The following SYT1 variants were observed in gnomAD, a reference collection of about 807,000 sequenced individuals.
SYT1 encodes synaptotagmin 1, also known as synaptotagmin-1.
In SYT1, 8 loss-of-function variants were observed where a neutral mutation model predicts 44.8. That is an observed-to-expected ratio of 0.18 (90% CI 0.10 to 0.32). SYT1 has a LOEUF of 0.32. SYT1 is among the 10% of genes least tolerant of loss of function. SYT1 has a pLI of 1.00. For synonymous variants in SYT1, 154 were observed against 188.8 expected, an observed-to-expected ratio of 0.82 and a Z score of 1.51; for missense variants, 286 against 509.3, an observed-to-expected ratio of 0.56 and a Z score of 4.22.
intron 5 of SYT1, among the ~76,000 whole-genome samples, chr12:79,287,287 G>C (rs1420077388): frequency 6.6e-6 from 1 of 152,054 alleles, no homozygotes; most frequent in East Asian, 1.9e-4. Context: ...GATTTTTCTG[G>C]CAATTTCTAA....
At chr12:79,356,009 A>G (rs1883097204) in intron 9 of SYT1, among the ~76,000 whole-genome samples, 1 of 152,000 alleles carries the variant, frequency 6.6e-6, no homozygotes, top group Non-Finnish European at 1.5e-5. Context: ...GAAGTAGGAT[A>G]AGGAATATTG....
intron 3 of SYT1, among the ~76,000 whole-genome samples, chr12:79,186,596 C>G (rs1872814926): frequency 6.6e-6 from 1 of 151,978 alleles, no homozygotes; most frequent in Admixed American, 6.6e-5. Context: ...GTAAAAATGT[C>G]TTTAAGCAGC....
chr12:79,438,153 A>G (rs1870196529), intron 9 of SYT1, among the ~76,000 whole-genome samples: 1 of 152,142 alleles, frequency 6.6e-6, no homozygotes, highest in Admixed American at 6.6e-5. Context: ...AAGCCTTTGT[A>G]TAGCATGGTA....
At chr12:79,311,177 G>C (rs1233454564) in intron 8 of SYT1, among the ~76,000 whole-genome samples, 1 of 152,076 alleles carries the variant, frequency 6.6e-6, no homozygotes, top group Non-Finnish European at 1.5e-5. Context: ...TTATTATTTT[G>C]AGATACGTCC....
intron 1 of SYT1, among the ~76,000 whole-genome samples, chr12:78,924,182 G>A (rs1156467191): frequency 6.6e-6 from 1 of 151,834 alleles, no homozygotes; most frequent in African/African-American, 2.4e-5. Context: ...CATATCAGAA[G>A]GCCCATGGTA....
chr12:79,294,536 TC>T (rs1368118110), intron 6 of SYT1, among the ~76,000 whole-genome samples: 1 of 152,134 alleles, frequency 6.6e-6, no homozygotes, highest in African/African-American at 2.4e-5. Context: ...TAGGCAGAAG[TC>T]AGAACAAGGT....
intron 1 of SYT1, among the ~76,000 whole-genome samples, chr12:78,885,481 A>G (rs553888930): frequency 6.6e-6 from 1 of 152,130 alleles, no homozygotes; most frequent in African/African-American, 2.4e-5. Context: ...ACAAGGAAAG[A>G]GAGTAGAGAG....
chr12:79,103,886 A>G (rs61198011), intron 3 of SYT1, among the ~76,000 whole-genome samples: 3,772 of 152,264 alleles, frequency 0.025, 125 homozygotes, highest in South Asian at 0.11. Flanking sequence ...CCACACCAGC[A>G]GTGCAACCTT....
chr12:79,391,312 G>A (rs967125554), intron 9 of SYT1, among the ~76,000 whole-genome samples: 43 of 152,218 alleles, frequency 2.8e-4, no homozygotes, highest in African/African-American at 1.0e-3. Context: ...GCAAAGTCCT[G>A]AAGAATCACT....
intron 2 of SYT1, among the ~76,000 whole-genome samples, chr12:79,029,543 T>G (rs1397232248): frequency 6.6e-6 from 1 of 151,132 alleles, no homozygotes; most frequent in African/African-American, 2.4e-5. Context: ...AACTTCTGAT[T>G]TGGTGATTAA....
At chr12:79,181,508 CT>C (rs933669525) in intron 3 of SYT1, among the ~76,000 whole-genome samples, 3 of 151,856 alleles carry the variant, frequency 2.0e-5, no homozygotes, top group South Asian at 2.1e-4. Flanking sequence ...TCTTCTCTCC[CT>C]TTTTTTTCTT....
At chr12:79,207,537 G>A (rs1874196570) in intron 3 of SYT1, among the ~76,000 whole-genome samples, 1 of 152,042 alleles carries the variant, frequency 6.6e-6, no homozygotes, top group Non-Finnish European at 1.5e-5. Flanking sequence ...CCACCAACAA[G>A]CCCCGGTGTG....
At chr12:79,266,793 G>A (rs577762485) in intron 4 of SYT1, among the ~76,000 whole-genome samples, 1 of 152,308 alleles carries the variant, frequency 6.6e-6, no homozygotes, top group Non-Finnish European at 1.5e-5. Context: ...CAGATTGGGA[G>A]GAAAATTAAT....
At chr12:79,077,851 T>C (rs1038943964) in intron 3 of SYT1, among the ~76,000 whole-genome samples, 2 of 152,150 alleles carry the variant, frequency 1.3e-5, no homozygotes, top group Non-Finnish European at 2.9e-5. Context: ...AGAAATACCA[T>C]GCCCTTTTTA....
At chr12:78,890,469 C>T (rs568088415) in intron 1 of SYT1, among the ~76,000 whole-genome samples, 9 of 151,880 alleles carry the variant, frequency 5.9e-5, no homozygotes, top group Non-Finnish European at 1.2e-4. Context: ...AGCACACCAA[C>T]AAGGCACTTG....
At chr12:78,865,969 G>A (rs1368682623) in intron 1 of SYT1, among the ~76,000 whole-genome samples, 1 of 151,802 alleles carries the variant, frequency 6.6e-6, no homozygotes, top group Admixed American at 6.6e-5. Flanking sequence ...AGGTTTCTTG[G>A]TATGGCCTGT....
intron 3 of SYT1, among the ~76,000 whole-genome samples, chr12:79,199,816 A>G (rs1401745086): frequency 2.6e-5 from 4 of 152,150 alleles, no homozygotes; most frequent in East Asian, 3.9e-4. Flanking sequence ...AAATGTTAAT[A>G]AAATCCTATC....
intron 1 of SYT1, among the ~76,000 whole-genome samples, chr12:78,952,166 G>A (rs1879002849): frequency 1.3e-5 from 2 of 151,982 alleles, no homozygotes. Flanking sequence ...GAGATAATTG[G>A]AATTATGCAA....
At chr12:78,870,365 A>T (rs1188513692) in intron 1 of SYT1, among the ~76,000 whole-genome samples, 2 of 152,074 alleles carry the variant, frequency 1.3e-5, no homozygotes, top group African/African-American at 2.4e-5. Flanking sequence ...TGTACTTGTG[A>T]AATATAGCTT....
Sources: gnomAD v4.1 joint callset for allele counts (sites outside exome capture counted in the v4.1 genomes callset) on GRCh38, gnomAD v4.1.1 for gene constraint, MANE v1.5 for transcripts, NCBI Gene and HGNC (gene_info 2026-07-23, HGNC 2026-07-21) for gene names.